The following CYRIB variants were observed in gnomAD, a reference collection of about 807,000 sequenced individuals.
CYRIB encodes CYFIP related Rac1 interactor B.
Under a neutral mutation model 44.2 loss-of-function variants are expected in CYRIB, and 8 were observed. The ratio of observed to expected loss-of-function variants is 0.18; its 90% confidence interval spans 0.11 to 0.33. CYRIB has a LOEUF of 0.33. CYRIB is among the 10% of genes least tolerant of loss of function. The pLI is 1.00. For synonymous variants in CYRIB, 131 were observed against 127.2 expected (o/e 1.03, Z -0.20); for missense variants, 185 against 382.8 (o/e 0.48, Z 4.31).
At chr8:129,893,025 A>T (rs972790953) in intron 2 of CYRIB, among the ~76,000 whole-genome samples, 1 of 152,216 alleles carries the variant, frequency 6.6e-6, no homozygotes, top group African/African-American at 2.4e-5. Context: ...ACACTCTTGT[A>T]TGAATCAGTA....
intron 2 of CYRIB, among the ~76,000 whole-genome samples, chr8:129,953,997 A>G (rs2094643868): frequency 6.6e-6 from 1 of 152,112 alleles, no homozygotes; most frequent in African/African-American, 2.4e-5. Flanking sequence ...AAAAAAATGG[A>G]CCAGTTAAGA....
intron 5 of CYRIB, among the ~76,000 whole-genome samples, chr8:129,856,180 T>A (rs186677742): frequency 4.7e-4 from 71 of 152,318 alleles, no homozygotes; most frequent in African/African-American, 1.7e-3. Flanking sequence ...ATGAATCAAT[T>A]ACCAATTTCT....
At chr8:129,857,699 G>C (rs993250700) in intron 5 of CYRIB, among the ~76,000 whole-genome samples, 1 of 152,124 alleles carries the variant, frequency 6.6e-6, no homozygotes, top group Non-Finnish European at 1.5e-5. Flanking sequence ...ATGTGAAGAA[G>C]ATCAATTAAA....
In CYRIB at chr8:129,979,154, A is replaced by T. The variant is rs187693423; in HGVS notation, c.-295-8159T>A. Reference sequence around the variant, plus strand: ...AGACTCTGTCTCAAAATAAATAAATAAATTAATTAATTAATTAAATAAATA... The same window carrying T: ...AGACTCTGTCTCAAAATAAATAAATTAATTAATTAATTAATTAAATAAATA... On this transcript the variant is annotated intron_variant, in intron 1 of 14. Coordinates refer to the CYRIB transcript ENST00000401979. Among the ~76,000 whole-genome samples the T allele has an allele frequency of 5.9e-3, 904 of 152,056 alleles. 5 individuals carry two copies. The highest frequency in any genetic ancestry group is 0.025 in the East Asian group (127 of 5,176).
At chr8:129,917,812 G>A (rs188991322) in intron 1 of CYRIB, among the ~76,000 whole-genome samples, 19 of 152,098 alleles carry the variant, frequency 1.2e-4, no homozygotes, top group Non-Finnish European at 2.5e-4. Context: ...AGCCGAGATC[G>A]CACCACTGCA....
rs1370993587 is a variant in CYRIB at position 129,922,512 on chromosome 8, T to C, written c.-50+17096A>G. On this transcript the variant is annotated intron_variant, in intron 1 of 11. Transcript: ENST00000519824. ...TTTGTTTCAAAACAAAATTTGAACA[T>C]TATTATAAAAGTAGAACACCCAGAA... 5.3e-5 allele frequency among the ~76,000 whole-genome samples: 8 copies of C among 152,122 alleles called. No homozygotes were observed. The South Asian group carries it at 6.2e-4, about 12-fold the overall frequency.
intron 1 of CYRIB, among the ~76,000 whole-genome samples, chr8:130,012,411 A>C (rs2097245981): frequency 6.6e-6 from 1 of 152,206 alleles, no homozygotes; most frequent in Admixed American, 6.5e-5. Context: ...TCTATTCCCA[A>C]AGGAAACTGA....
chr8:129,986,174 A>G (rs2133002242), intron 1 of CYRIB, among the ~76,000 whole-genome samples: 2 of 152,346 alleles, frequency 1.3e-5, no homozygotes, highest in Admixed American at 1.3e-4. Flanking sequence ...GATGCAAACG[A>G]AATTCTGGGG....
At chr8:129,967,759 C>T (rs2095543576) in intron 2 of CYRIB, among the ~76,000 whole-genome samples, 1 of 152,198 alleles carries the variant, frequency 6.6e-6, no homozygotes, top group Non-Finnish European at 1.5e-5. Flanking sequence ...ATACCACCCT[C>T]CTTTGAATAT....
At chr8:129,910,525 C>CCTAT (rs2077437048) in intron 1 of CYRIB, among the ~76,000 whole-genome samples, 1 of 137,448 alleles carries the variant, frequency 7.3e-6, no homozygotes, top group African/African-American at 2.8e-5. Context: ...GGGCCAGGTG[C>CCTAT]AATGGTTCCT....
chr8:129,863,359 T>C (rs1311094142), intron 4 of CYRIB, among the ~76,000 whole-genome samples: 3 of 152,036 alleles, frequency 2.0e-5, no homozygotes, highest in African/African-American at 7.2e-5. Flanking sequence ...ACCCCGTCTC[T>C]ACCAAAAATA....
intron 2 of CYRIB, among the ~76,000 whole-genome samples, chr8:129,964,704 G>T (rs1246147394): frequency 6.6e-6 from 1 of 152,100 alleles, no homozygotes; most frequent in Non-Finnish European, 1.5e-5. Flanking sequence ...GGCAAGATAG[G>T]GAGGCCCCTG....
chr8:129,872,093 T>C (rs1482721511), intron 3 of CYRIB, among the ~76,000 whole-genome samples: 2 of 152,104 alleles, frequency 1.3e-5, no homozygotes, highest in African/African-American at 4.8e-5. Context: ...AGAGGATATA[T>C]ATATCTAACA....
At chr8:129,874,947 G>A (rs946252908) in intron 3 of CYRIB, among the ~76,000 whole-genome samples, 4 of 152,106 alleles carry the variant, frequency 2.6e-5, no homozygotes, top group African/African-American at 7.2e-5. Context: ...CAGAATCAGA[G>A]AAAATATACT....
At chr8:129,934,331 C>A (rs2092378676) in intron 1 of CYRIB, among the ~76,000 whole-genome samples, 2 of 152,090 alleles carry the variant, frequency 1.3e-5, no homozygotes, top group Admixed American at 1.3e-4. Flanking sequence ...ATGGAAAATG[C>A]TTATGTGAAA....
intron 1 of CYRIB, among the ~76,000 whole-genome samples, chr8:129,930,361 G>C (rs1350026672): frequency 1.8e-3 from 2 of 1,142 alleles, no homozygotes; most frequent in Non-Finnish European, 6.8e-3. Context: ...GAATTGTGAA[G>C]TGCTTATATA....
At chr8:129,913,130 C>A (rs980950116) in intron 1 of CYRIB, among the ~76,000 whole-genome samples, 1 of 151,940 alleles carries the variant, frequency 6.6e-6, no homozygotes, top group Non-Finnish European at 1.5e-5. Flanking sequence ...GGCCACCACG[C>A]CCGGCTAATT....
intron 2 of CYRIB, among the ~76,000 whole-genome samples, chr8:129,902,720 TAAG>T (rs2072943443): frequency 6.6e-6 from 1 of 152,196 alleles, no homozygotes; most frequent in African/African-American, 2.4e-5. Context: ...CATTTTCACT[TAAG>T]AACACAAAAT....
chr8:129,965,294 C>T (rs1028104935), intron 2 of CYRIB, among the ~76,000 whole-genome samples: 1 of 151,694 alleles, frequency 6.6e-6, no homozygotes, highest in Non-Finnish European at 1.5e-5. Flanking sequence ...CCAGCAATCG[C>T]CCAGGCATAA....
Sources: allele counts gnomAD v4.1 joint callset (sites outside exome capture counted in the v4.1 genomes callset), GRCh38; gene constraint gnomAD v4.1.1; transcripts MANE v1.5; gene names NCBI Gene and HGNC (gene_info 2026-07-23, HGNC 2026-07-21).